Variants in PTPN20 observed in about 807,000 individuals in gnomAD.
The protein encoded by PTPN20 is protein tyrosine phosphatase non-receptor type 20, also known as tyrosine-protein phosphatase non-receptor type 20.
A neutral mutation model predicts 35.0 loss-of-function variants in PTPN20; 9 were observed. The observed-to-expected ratio is 0.26, with a 90% CI of 0.15 to 0.45. The LOEUF (loss-of-function observed/expected upper bound fraction) is 0.45, where lower values mean the gene tolerates loss of function less well. Among genes scored for constraint, PTPN20 ranks in the 20% least tolerant of loss-of-function variants. The probability of loss-of-function intolerance (pLI) is 1.00; values close to 1 mark genes in which losing one functional copy is unlikely to be tolerated. For synonymous variants in PTPN20, 32 were observed against 100.2 expected (o/e 0.32, Z 4.06); for missense variants, 111 against 312.5 (o/e 0.36, Z 4.86).
chr10:46,995,028 C>A (rs2058791515), intron 9 of PTPN20, among the ~76,000 whole-genome samples: 1 of 152,090 alleles, frequency 6.6e-6, no homozygotes, highest in Non-Finnish European at 1.5e-5. Flanking sequence ...TGTTCTGTTA[C>A]CTTGGAGATC....
chr10:46,990,338 A>C (rs1555176183), intron 9 of PTPN20, among the ~76,000 whole-genome samples: 1 of 110,012 alleles, frequency 9.1e-6, no homozygotes, highest in Admixed American at 8.2e-5. Context: ...GTGTCACTGC[A>C]CTCCAGCCTG....
At chr10:46,983,578 A>G (rs1459840570) in intron 7 of PTPN20, among the ~76,000 whole-genome samples, 2 of 123,944 alleles carry the variant, frequency 1.6e-5, no homozygotes, top group African/African-American at 6.6e-5. Context: ...CATATTTGTT[A>G]TAACAGTCCA....
intron 9 of PTPN20, among the ~76,000 whole-genome samples, chr10:46,995,597 T>C (rs1555180557): frequency 6.6e-6 from 1 of 152,166 alleles, no homozygotes; most frequent in East Asian, 1.9e-4. Flanking sequence ...TTAGCTGAGT[T>C]ACAGACCAGA....
At chr10:46,996,935 T>A (rs1410144191) in intron 9 of PTPN20, among the ~76,000 whole-genome samples, 1 of 152,182 alleles carries the variant, frequency 6.6e-6, no homozygotes, top group Non-Finnish European at 1.5e-5. Context: ...TTCTCCTTTT[T>A]CAAAATTGTT....
chr10:46,992,125 T>C (rs1323943217), intron 9 of PTPN20, among the ~76,000 whole-genome samples: 2 of 150,504 alleles, frequency 1.3e-5, no homozygotes, highest in Non-Finnish European at 3.0e-5. Context: ...TTTTCAATTT[T>C]TTTTTTTTTT....
chr10:46,925,691 C>T (rs2037071989), intron 1 of PTPN20, among the ~76,000 whole-genome samples: 1 of 150,866 alleles, frequency 6.6e-6, no homozygotes, highest in African/African-American at 2.5e-5. Context: ...CTGTTCATGG[C>T]AGGGCTTCTA....
intron 2 of PTPN20, among the ~76,000 whole-genome samples, chr10:46,937,107 TTGG>T (rs1555127014): frequency 6.7e-6 from 1 of 149,828 alleles, no homozygotes; most frequent in Non-Finnish European, 1.5e-5. Flanking sequence ...TTAGTTTTTA[TTGG>T]TCTACAGAAG....
At chr10:46,947,998 C>T (rs1226264073) in intron 5 of PTPN20, 2 of 448,890 alleles carry the variant, frequency 4.5e-6, no homozygotes, top group African/African-American at 2.0e-5. Context: ...AAGTGTATAA[C>T]AGACAAACTG....
At chr10:46,993,047 A>C (rs895829664) in intron 9 of PTPN20, among the ~76,000 whole-genome samples, 18 of 152,292 alleles carry the variant, frequency 1.2e-4, no homozygotes, top group Admixed American at 2.6e-4. Context: ...TGGATTTCAC[A>C]GGCAGTGTAT....
intron 9 of PTPN20, among the ~76,000 whole-genome samples, chr10:46,995,753 C>A (rs34658510): frequency 1.4e-3 from 217 of 152,240 alleles, no homozygotes; most frequent in Non-Finnish European, 2.2e-3. Flanking sequence ...TGGTGGGAAA[C>A]CTGGATGTCA....
intron 1 of PTPN20, among the ~76,000 whole-genome samples, chr10:46,926,807 A>G (rs1299455617): frequency 6.6e-6 from 1 of 151,748 alleles, no homozygotes; most frequent in African/African-American, 2.4e-5. Context: ...AATTTTCTGA[A>G]TAACAAGGTA....
At position 47,000,813 on chromosome 10, in the gene PTPN20, A is replaced by C; in HGVS notation, c.*72A>C. On this transcript the variant is annotated 3_prime_UTR_variant, in exon 11 of 11. Transcript: ENST00000374339. ...ACCTCCTCATAAAGAACATGTTTGC[A>C]CTGTGCTGAAGGGCTTTGCTATGCA... is the stretch of plus-strand genomic sequence containing the variant. The C allele has an allele frequency of 6.4e-7, 1 of 1,570,566 alleles. No homozygotes were observed. The highest frequency in any genetic ancestry group is 8.8e-7 in the Non-Finnish European group (1 of 1,140,558).
chr10:46,997,925 G>C (rs911740554), intron 9 of PTPN20, among the ~76,000 whole-genome samples: 2 of 152,098 alleles, frequency 1.3e-5, no homozygotes, highest in Admixed American at 6.5e-5. Context: ...ATGAAGATTT[G>C]GAAATGCTGG....
chr10:46,993,527 T>G (rs2058421287), intron 9 of PTPN20, among the ~76,000 whole-genome samples: 2 of 152,156 alleles, frequency 1.3e-5, no homozygotes, highest in Admixed American at 1.3e-4. Context: ...AGCCTAGGGT[T>G]TTCTGCCCAG....
intron 9 of PTPN20, among the ~76,000 whole-genome samples, chr10:46,993,611 A>G (rs1555178533): frequency 6.6e-6 from 1 of 152,210 alleles, no homozygotes; most frequent in Non-Finnish European, 1.5e-5. Flanking sequence ...AGAAGTGACA[A>G]CTTATCTTAG....
intron 7 of PTPN20, among the ~76,000 whole-genome samples, chr10:46,983,066 T>G (rs1400903621): frequency 9.3e-5 from 6 of 64,222 alleles, no homozygotes; most frequent in Non-Finnish European, 1.8e-4. Flanking sequence ...TATATCTAGC[T>G]TTTTTTTTTT....
rs559195363 is a variant in PTPN20 at position 46,953,666 on chromosome 10, A to G, written c.340+6991A>G. Among the ~76,000 whole-genome samples, 231 of 138,590 alleles carry G rather than the reference A, an allele frequency of 1.7e-3. 12 individuals carry two copies. The highest frequency in any genetic ancestry group is 6.8e-3 in the African/African-American group (219 of 32,096). The allele number at this position is 138,590 out of a possible 152,430, so 90.9% of individuals were successfully genotyped here. ...TTTTTCTGCGTCTATTCAGATCATCATATAGTTTTTCTTTTTTTTGCCTGT... is the reference window on the plus strand; with the variant it reads ...TTTTTCTGCGTCTATTCAGATCATCGTATAGTTTTTCTTTTTTTTGCCTGT... On this transcript the variant is annotated intron_variant, in intron 5 of 10. Coordinates refer to ENST00000374339, the MANE Select transcript of PTPN20 (RefSeq NM_001042357.5).
At chr10:46,953,458 G>C (rs1405930770) in intron 5 of PTPN20, among the ~76,000 whole-genome samples, 1 of 138,758 alleles carries the variant, frequency 7.2e-6, no homozygotes, top group South Asian at 2.3e-4. Flanking sequence ...TTGAATAAGA[G>C]GAAAGGGAGT....
At chr10:46,998,754 C>T (rs2059585472) in intron 9 of PTPN20, among the ~76,000 whole-genome samples, 1 of 152,170 alleles carries the variant, frequency 6.6e-6, no homozygotes, top group South Asian at 2.1e-4. Flanking sequence ...AACAAGATGA[C>T]ACCATCTGGG....
Sources: gnomAD v4.1 joint callset for allele counts (sites outside exome capture counted in the v4.1 genomes callset) on GRCh38, gnomAD v4.1.1 for gene constraint, MANE v1.5 for transcripts, NCBI Gene and HGNC (gene_info 2026-07-23, HGNC 2026-07-21) for gene names.